The following GPC6 variants were observed in gnomAD, a reference collection of about 807,000 sequenced individuals.
GPC6 encodes the protein glypican-6.
GPC6 carries 14 observed loss-of-function variants against 55.2 expected under a neutral mutation model. The observed-to-expected ratio is 0.25, with a 90% CI of 0.17 to 0.40. The LOEUF (loss-of-function observed/expected upper bound fraction) is 0.40, where lower values mean the gene tolerates loss of function less well. Ranked by LOEUF, GPC6 falls within the 10% of genes least tolerant of loss-of-function variation. The probability of loss-of-function intolerance (pLI) is 1.00; values close to 1 mark genes in which losing one functional copy is unlikely to be tolerated. For synonymous variants in GPC6, 278 were observed against 259.6 expected, an observed-to-expected ratio of 1.07 and a Z score of -0.68; for missense variants, 641 against 708.5, an observed-to-expected ratio of 0.90 and a Z score of 1.08.
At chr13:94,277,683 A>T (rs1330736976) in intron 4 of GPC6, among the ~76,000 whole-genome samples, 1 of 152,224 alleles carries the variant, frequency 6.6e-6, no homozygotes, top group Non-Finnish European at 1.5e-5. Context: ...TTTATTAAAT[A>T]AGAAATCCTT....
chr13:93,235,229 A>G (rs1876194485), intron 1 of GPC6, among the ~76,000 whole-genome samples: 2 of 152,208 alleles, frequency 1.3e-5, no homozygotes, highest in African/African-American at 4.8e-5. Flanking sequence ...GTAGCATTTG[A>G]CAAAGGGCCA....
intron 2 of GPC6, among the ~76,000 whole-genome samples, chr13:93,577,887 A>G (rs1876739849): frequency 6.6e-6 from 1 of 152,116 alleles, no homozygotes; most frequent in African/African-American, 2.4e-5. Context: ...TGTTCCTTCT[A>G]TACCAAATTT....
intron 1 of GPC6, among the ~76,000 whole-genome samples, chr13:93,274,321 G>C (rs922838773): frequency 6.6e-6 from 1 of 152,032 alleles, no homozygotes; most frequent in African/African-American, 2.4e-5. Flanking sequence ...ATGTGTCATT[G>C]GGGGAATGTG....
At chr13:93,979,514 A>G (rs1048131966) in intron 3 of GPC6, among the ~76,000 whole-genome samples, 1 of 151,972 alleles carries the variant, frequency 6.6e-6, no homozygotes, top group African/African-American at 2.4e-5. Flanking sequence ...AGAGTGGTCT[A>G]TAATTCAGAC....
At chr13:93,780,677 C>T (rs1179721733) in intron 2 of GPC6, among the ~76,000 whole-genome samples, 1 of 151,458 alleles carries the variant, frequency 6.6e-6, no homozygotes, top group Admixed American at 6.6e-5. Flanking sequence ...TAAGGTTACT[C>T]CTATTAAAGG....
intron 6 of GPC6, among the ~76,000 whole-genome samples, chr13:94,313,369 T>A (rs1040237563): frequency 1.3e-5 from 2 of 152,256 alleles, no homozygotes; most frequent in African/African-American, 2.4e-5. Context: ...CCTGCCCTTA[T>A]GTGGATTTTT....
intron 4 of GPC6, among the ~76,000 whole-genome samples, chr13:94,057,477 A>G (rs1884170551): frequency 6.6e-6 from 1 of 152,124 alleles, no homozygotes; most frequent in African/African-American, 2.4e-5. Context: ...TTCCCATTTC[A>G]TTAGTTTGTT....
intron 2 of GPC6, among the ~76,000 whole-genome samples, chr13:93,630,661 G>C (rs554050454): frequency 6.6e-6 from 1 of 152,180 alleles, no homozygotes; most frequent in African/African-American, 2.4e-5. Flanking sequence ...ATTAGAAAGA[G>C]TATTTTCTAT....
In GPC6 at chr13:93,522,257, A is replaced by G. The variant is rs1416378382; in HGVS notation, c.161-23006A>G. ...ATGCAAATGATTCTTGTCTGTAGAC[A>G]TGCAAATTAATTTTGTCCCATAGAA... On this transcript the variant is annotated intron_variant, in intron 1 of 8. Transcript: ENST00000377047. Among the ~76,000 whole-genome samples the G allele has an allele frequency of 3.9e-5, 6 of 151,994 alleles. No individual in the cohort carries two copies. In the East Asian group the frequency reaches 5.8e-4, roughly 15 times the overall value.
rs921456601 is a variant in GPC6 at position 93,810,953 on chromosome 13, C to G, written c.320-19201C>G. On this transcript the variant is annotated intron_variant, in intron 2 of 8. Coordinates refer to ENST00000377047, the MANE Select transcript of GPC6 (RefSeq NM_005708.5). ...CTGAACCTGACTGCATGGTCGTATT[C>G]AAACCATTTCAGAAGAAATGTTTCC... Among the ~76,000 whole-genome samples the G allele has an allele frequency of 2.6e-5, 4 of 152,186 alleles. No homozygotes were observed. The East Asian group carries it at 5.8e-4, about 22-fold the overall frequency.
chr13:93,838,930 A>G (rs1887844003), intron 3 of GPC6, among the ~76,000 whole-genome samples: 1 of 152,196 alleles, frequency 6.6e-6, no homozygotes, highest in Non-Finnish European at 1.5e-5. Flanking sequence ...ACATTTATCT[A>G]GAGAAAGAAG....
chr13:93,282,744 T>C (rs1443740886), intron 1 of GPC6, among the ~76,000 whole-genome samples: 1 of 134,246 alleles, frequency 7.4e-6, no homozygotes, highest in Non-Finnish European at 1.6e-5. Context: ...TAAGCTCTTT[T>C]ACATGGTTCT....
intron 4 of GPC6, among the ~76,000 whole-genome samples, chr13:94,110,104 A>ATAGG (rs1231199452): frequency 6.6e-6 from 1 of 151,266 alleles, no homozygotes; most frequent in East Asian, 1.9e-4. Context: ...AGCTGTAGTG[A>ATAGG]TAGGCAAGGG....
intron 2 of GPC6, among the ~76,000 whole-genome samples, chr13:93,710,564 T>C (rs1198759018): frequency 1.3e-5 from 2 of 151,798 alleles, no homozygotes; most frequent in Non-Finnish European, 2.9e-5. Flanking sequence ...ATCTCGTCTA[T>C]TAGGAATCGT....
At chr13:93,943,592 A>G (rs901327679) in intron 3 of GPC6, among the ~76,000 whole-genome samples, 5 of 152,066 alleles carry the variant, frequency 3.3e-5, no homozygotes, top group African/African-American at 1.2e-4. Context: ...AACCTTATGC[A>G]CACAAATTTC....
At position 94,351,397 on chromosome 13, in the gene GPC6, A is replaced by G. The variant is rs1878535595; in HGVS notation, c.1153-31017A>G. 2.0e-5 allele frequency among the ~76,000 whole-genome samples: 3 copies of G among 152,058 alleles called. No homozygotes were observed. In the South Asian group the frequency reaches 6.2e-4, roughly 32 times the overall value. ...TAATTTATAAAGCTGCCCCTACACC[A>G]TGCTGATTCTGAAAGAGACTGGTTT... On this transcript the variant is annotated intron_variant, in intron 6 of 8. Transcript: ENST00000377047.
chr13:93,722,138 A>C (rs1045547794), intron 2 of GPC6, among the ~76,000 whole-genome samples: 2 of 151,742 alleles, frequency 1.3e-5, no homozygotes, highest in Admixed American at 1.3e-4. Flanking sequence ...AAAAAAGGAA[A>C]GTTTAAAGAT....
intron 4 of GPC6, among the ~76,000 whole-genome samples, chr13:94,277,583 A>C (rs1892252840): frequency 6.6e-6 from 1 of 152,148 alleles, no homozygotes; most frequent in Admixed American, 6.5e-5. Flanking sequence ...TTAAGTCTTT[A>C]ATCCATCTTG....
intron 2 of GPC6, among the ~76,000 whole-genome samples, chr13:93,821,480 G>C (rs973075207): frequency 1.3e-5 from 2 of 152,104 alleles, no homozygotes; most frequent in Admixed American, 6.6e-5. Flanking sequence ...ACCTCTCCAG[G>C]GGCCTGGGAT....
Sources: allele counts gnomAD v4.1 joint callset (sites outside exome capture counted in the v4.1 genomes callset), GRCh38; gene constraint gnomAD v4.1.1; transcripts MANE v1.5; gene names NCBI Gene and HGNC (gene_info 2026-07-23, HGNC 2026-07-21).